Variants in MLLT3 observed in about 807,000 individuals in gnomAD.
The protein encoded by MLLT3 is MLLT3 super elongation complex subunit.
In MLLT3, 4 loss-of-function variants were observed where a neutral mutation model predicts 53.2. The ratio of observed to expected loss-of-function variants is 0.08; its 90% CI spans 0.04 to 0.17. MLLT3 has a LOEUF of 0.17. Among genes scored for constraint, MLLT3 ranks in the 10% least tolerant of loss-of-function variants. The pLI is 1.00. For missense variants in MLLT3, 569 were observed against 684.0 expected (o/e 0.83, Z 1.87); for synonymous variants, 283 against 230.6 (o/e 1.23, Z -2.06).
intron 2 of MLLT3, among the ~76,000 whole-genome samples, chr9:20,497,311 C>A (rs533896722): frequency 6.6e-6 from 1 of 152,248 alleles, no homozygotes; most frequent in Admixed American, 6.5e-5. Context: ...TTAAAAATCA[C>A]ATATTTAAAG....
rs1399916277 is a variant in MLLT3 at position 20,614,792 on chromosome 9, G to C, written c.193+5862C>G. On this transcript the variant is annotated intron_variant, in intron 2 of 10. Coordinates refer to ENST00000380338, the MANE Select transcript of MLLT3 (RefSeq NM_004529.4). ...AGTTCTATATCTTAGAACTGTAAAA[G>C]TGATGTTATGTAGTGGGGATTACCT... 7.9e-5 allele frequency among the ~76,000 whole-genome samples: 12 copies of C among 152,204 alleles called. No individual in the cohort carries two copies. The East Asian group carries it at 2.1e-3, about 27-fold the overall frequency.
intron 5 of MLLT3, among the ~76,000 whole-genome samples, chr9:20,367,099 G>GT (rs1821475831): frequency 6.6e-6 from 1 of 152,240 alleles, no homozygotes; most frequent in East Asian, 1.9e-4. Flanking sequence ...TGTCGCCATT[G>GT]TTTTTTTGTA....
At chr9:20,492,827 T>C (rs1185391621) in intron 2 of MLLT3, among the ~76,000 whole-genome samples, 1 of 151,966 alleles carries the variant, frequency 6.6e-6, no homozygotes, top group Non-Finnish European at 1.5e-5. Context: ...ATAGATCTGA[T>C]CTTGAAAAAC....
At chr9:20,586,920 AAAATG>A (rs1819981003) in intron 2 of MLLT3, among the ~76,000 whole-genome samples, 2 of 152,246 alleles carry the variant, frequency 1.3e-5, no homozygotes, top group African/African-American at 4.8e-5. Context: ...GTTTTTTTTA[AAAATG>A]AAATGAAACC....
chr9:20,538,119 T>C (rs530804024), intron 2 of MLLT3, among the ~76,000 whole-genome samples: 3 of 152,230 alleles, frequency 2.0e-5, no homozygotes, highest in South Asian at 4.1e-4. Context: ...TTATTGCTGA[T>C]GGAATTAGAA....
chr9:20,480,732 C>G (rs555869821), intron 2 of MLLT3, among the ~76,000 whole-genome samples: 2 of 152,190 alleles, frequency 1.3e-5, no homozygotes, highest in Non-Finnish European at 2.9e-5. Context: ...ACTCACCGAA[C>G]AAACCTTTGT....
intron 2 of MLLT3, among the ~76,000 whole-genome samples, chr9:20,615,120 G>C (rs1441550785): frequency 6.6e-5 from 10 of 151,894 alleles, no homozygotes; most frequent in Admixed American, 5.9e-4. Flanking sequence ...GAGGCTGGTG[G>C]GTCACCTGGG....
chr9:20,381,896 T>G (rs1167433812), intron 5 of MLLT3, among the ~76,000 whole-genome samples: 1 of 151,842 alleles, frequency 6.6e-6, no homozygotes, highest in Admixed American at 6.6e-5. Context: ...GTAAAATAAT[T>G]AGAGGTCTAA....
intron 2 of MLLT3, among the ~76,000 whole-genome samples, chr9:20,618,552 A>G (rs1277417553): frequency 2.6e-5 from 4 of 152,220 alleles, no homozygotes; most frequent in Admixed American, 6.5e-5. Flanking sequence ...AAAAATAAAC[A>G]TTTTAAAACA....
At chr9:20,517,234 T>C (rs1245999117) in intron 2 of MLLT3, among the ~76,000 whole-genome samples, 1 of 152,094 alleles carries the variant, frequency 6.6e-6, no homozygotes, top group Admixed American at 6.6e-5. Context: ...TACAAGGTAT[T>C]GGCCAACAGT....
In MLLT3 at chr9:20,543,181, G is replaced by A. The variant is rs958359660; in HGVS notation, c.193+77473C>T. Among the ~76,000 whole-genome samples, 7 of 152,062 alleles carry A rather than the reference G, an allele frequency of 4.6e-5. No homozygotes were observed. In the South Asian group the frequency reaches 1.2e-3, roughly 27 times the overall value. ...ACCCTGTGTCGCTTTCTTAACATTC[G>A]ACTGTTCACTGAAGGAGCACATTTA... is the stretch of plus-strand genomic sequence containing the variant. On this transcript the variant is annotated intron_variant, in intron 2 of 10. Transcript: ENST00000380338.
intron 2 of MLLT3, among the ~76,000 whole-genome samples, chr9:20,479,613 T>G (rs919927099): frequency 3.3e-5 from 5 of 152,176 alleles, no homozygotes; most frequent in African/African-American, 1.2e-4. Context: ...TTTCCTGGCC[T>G]GAGATTTCAG....
intron 2 of MLLT3, among the ~76,000 whole-genome samples, chr9:20,512,914 G>C (rs537193635): frequency 6.6e-6 from 1 of 152,190 alleles, no homozygotes; most frequent in Non-Finnish European, 1.5e-5. Flanking sequence ...AAGTGACTAA[G>C]TAAATAATAC....
At chr9:20,383,101 A>G (rs1231619192) in intron 5 of MLLT3, among the ~76,000 whole-genome samples, 1 of 151,846 alleles carries the variant, frequency 6.6e-6, no homozygotes, top group Non-Finnish European at 1.5e-5. Flanking sequence ...GTGAGAAACA[A>G]GAGAAAACAC....
At position 20,487,497 on chromosome 9, in the gene MLLT3, C is replaced by T. The variant is rs867762181; in HGVS notation, c.194-30711G>A. On this transcript the variant is annotated intron_variant, in intron 2 of 10. Transcript: ENST00000380338. ...AACCTAACCTACTTTCAACCGGAGC[C>T]ATGCTTTCCCATGTCAAACGTCAGA... is the stretch of plus-strand genomic sequence containing the variant. 2.6e-4 allele frequency among the ~76,000 whole-genome samples: 40 copies of T among 152,110 alleles called. 1 individual carries two copies. Among genetic ancestry groups the T allele is most frequent in the African/African-American group, 8.0e-4 (33 of 41,446 alleles).
At position 20,414,034 on chromosome 9, in the gene MLLT3, G is replaced by A; in HGVS notation, c.812C>T (p.Thr271Ile). ...CTTCTTATCTTGTCCACTGGTGATG[G>A]TGAGTAAGTTACTATCTGGTTTTGG... ...KEPKPDSNLL[T>I]ITSGQDKKAP... The change falls in exon 5 of 11, where the codon ACC (threonine) becomes ATC (isoleucine). Residue 271 changes from threonine (T) to isoleucine (I), a missense_variant. Around this residue, in one of 5 missense-constraint regions of MLLT3, gnomAD observed 437 missense variants for 376.5 expected, o/e 1.16. Coordinates refer to ENST00000380338, the MANE Select transcript of MLLT3 (RefSeq NM_004529.4). The A allele has an allele frequency of 1.9e-6, 3 of 1,614,136 alleles. No homozygotes were observed. The highest frequency in any genetic ancestry group is 1.1e-5 in the South Asian group (1 of 91,070).
chr9:20,527,245 A>G (rs192391914), intron 2 of MLLT3, among the ~76,000 whole-genome samples: 2 of 152,304 alleles, frequency 1.3e-5, no homozygotes, highest in African/African-American at 2.4e-5. Flanking sequence ...AAGAAATTTA[A>G]TACATTTATC....
At chr9:20,565,443 G>C (rs991046368) in intron 2 of MLLT3, among the ~76,000 whole-genome samples, 2 of 151,948 alleles carry the variant, frequency 1.3e-5, no homozygotes, top group African/African-American at 4.8e-5. Context: ...TAGCCCAGTG[G>C]ACCCAAGGAC....
chr9:20,537,993 T>C (rs1489889991), intron 2 of MLLT3, among the ~76,000 whole-genome samples: 2 of 152,280 alleles, frequency 1.3e-5, no homozygotes, highest in South Asian at 2.1e-4. Context: ...GCAAGGTTCA[T>C]ATAACTATTA....
Sources: gnomAD v4.1 joint callset for allele counts (sites outside exome capture counted in the v4.1 genomes callset) on GRCh38, gnomAD v4.1.1 for gene constraint, gnomAD v4.1.1 regional missense constraint, MANE v1.5 for transcripts, NCBI Gene and HGNC (gene_info 2026-07-23, HGNC 2026-07-21) for gene names.